DLC1: variants seen among roughly 807,000 people sequenced by gnomAD.
DLC1 encodes DLC1 Rho GTPase activating protein.
Under a neutral mutation model 140.3 loss-of-function variants are expected in DLC1, and 54 were observed. That is an observed-to-expected ratio of 0.38 (90% CI 0.31 to 0.48). The LOEUF is 0.48. DLC1 is among the 20% of genes least tolerant of loss of function. The pLI is 0.96. For missense variants in DLC1, 2,536 were observed against 1,907.0 expected (o/e 1.33, Z -6.14); for synonymous variants, 986 against 728.1 (o/e 1.35, Z -5.70).
At chr8:13,204,888 A>G (rs1162668055) in intron 5 of DLC1, among the ~76,000 whole-genome samples, 1 of 152,198 alleles carries the variant, frequency 6.6e-6, no homozygotes, top group Non-Finnish European at 1.5e-5. Context: ...AACTAAGTGG[A>G]AAGAAAGCTT....
Position 13,094,752 on chromosome 8 carries a change from C to G in DLC1, c.3526+7G>C. On this transcript the variant is annotated splice_region_variant and intron_variant, in intron 12 of 17. Coordinates refer to ENST00000276297, the MANE Select transcript of DLC1 (RefSeq NM_182643.3). ...TGCCAACAATCTTAAGATCAAAGGA[C>G]ACTCACATTGGTAGATCTGTAGAAA... 1.2e-6 allele frequency: 2 copies of G among 1,614,128 alleles called. No homozygotes were observed. The highest frequency in any genetic ancestry group is 1.7e-6 in the Non-Finnish European group (2 of 1,180,000).
chr8:13,476,914 A>C (rs963533072), intron 2 of DLC1, among the ~76,000 whole-genome samples: 2 of 152,226 alleles, frequency 1.3e-5, no homozygotes, highest in African/African-American at 4.8e-5. Flanking sequence ...GGACATAAGA[A>C]GACAGCACAG....
chr8:13,273,685 C>CGTGTGT (rs1831042516), intron 5 of DLC1, among the ~76,000 whole-genome samples: 1 of 69,136 alleles, frequency 1.4e-5, no homozygotes, highest in African/African-American at 5.7e-5. Context: ...CAGAACTGTG[C>CGTGTGT]CTGTGTGTGT....
intron 5 of DLC1, chr8:13,214,356 C>T (rs904242816): frequency 8.9e-6 from 3 of 335,274 alleles, no homozygotes; most frequent in Middle Eastern, 7.9e-4. Context: ...GAAAGTTTCC[C>T]TTTTAGCTTT....
chr8:13,259,797 T>G (rs890169438), intron 5 of DLC1, among the ~76,000 whole-genome samples: 7 of 107,478 alleles, frequency 6.5e-5, no homozygotes, highest in Middle Eastern at 4.7e-3. Context: ...AACAGATGGG[T>G]TTTTTTTTTT....
chr8:13,561,532 A>G (rs1216561639), intron 1 of DLC1, among the ~76,000 whole-genome samples: 1 of 152,212 alleles, frequency 6.6e-6, no homozygotes, highest in Non-Finnish European at 1.5e-5. Context: ...GGGTAAAGTG[A>G]ATAATATTCT....
intron 1 of DLC1, among the ~76,000 whole-genome samples, chr8:13,510,904 A>G (rs1165108880): frequency 6.6e-6 from 1 of 152,140 alleles, no homozygotes; most frequent in South Asian, 2.1e-4. Context: ...TTATTCTATT[A>G]TTACAGGATG....
At position 13,200,005 on chromosome 8, in the gene DLC1, A is replaced by T. The variant is rs540699796; in HGVS notation, c.1349-84348T>A. On this transcript the variant is annotated intron_variant, in intron 5 of 17. Transcript: ENST00000276297. ...TGTTCTGAAAGAGTTAGATGTATTA[A>T]TTCACTTAATCCTCATAACAACCCT... Among the ~76,000 whole-genome samples the T allele has an allele frequency of 2.6e-5, 4 of 152,260 alleles. No individual in the cohort carries two copies. The South Asian group carries it at 8.3e-4, about 32-fold the overall frequency.
chr8:13,382,057 A>G (rs1204951329), intron 4 of DLC1, among the ~76,000 whole-genome samples: 2 of 152,122 alleles, frequency 1.3e-5, no homozygotes, highest in African/African-American at 4.8e-5. Context: ...TTATTAGAAA[A>G]AGGGAATCCT....
chr8:13,489,452 A>G (rs117872870), intron 2 of DLC1, among the ~76,000 whole-genome samples: 79 of 108,200 alleles, frequency 7.3e-4, no homozygotes, highest in Middle Eastern at 5.0e-3. Flanking sequence ...CACACACAAA[A>G]TGTTGCTACT....
At chr8:13,574,587 A>G (rs1478885292) in intron 1 of DLC1, among the ~76,000 whole-genome samples, 1 of 152,118 alleles carries the variant, frequency 6.6e-6, no homozygotes, top group Non-Finnish European at 1.5e-5. Context: ...ACATAATTAT[A>G]CAAATGTATA....
At chr8:13,566,151 G>C (rs1804419781) in intron 1 of DLC1, among the ~76,000 whole-genome samples, 1 of 151,990 alleles carries the variant, frequency 6.6e-6, no homozygotes, top group South Asian at 2.1e-4. Context: ...TCACATAGTT[G>C]GACACTATTT....
At chr8:13,162,953 T>C (rs1019989983) in intron 5 of DLC1, among the ~76,000 whole-genome samples, 1 of 152,194 alleles carries the variant, frequency 6.6e-6, no homozygotes, top group African/African-American at 2.4e-5. Context: ...GCTTGAGGAT[T>C]CTTACATACT....
intron 2 of DLC1, among the ~76,000 whole-genome samples, chr8:13,467,388 C>T (rs1799985941): frequency 6.6e-6 from 1 of 152,066 alleles, no homozygotes; most frequent in South Asian, 2.1e-4. Context: ...CTCTCCCCTC[C>T]CCTCTCCTTT....
intron 2 of DLC1, among the ~76,000 whole-genome samples, chr8:13,427,086 A>C (rs1838622543): frequency 6.6e-6 from 1 of 151,852 alleles, no homozygotes; most frequent in African/African-American, 2.4e-5. Flanking sequence ...TTGTTTTGTC[A>C]TTTTAGAAAT....
At chr8:13,190,260 G>T (rs916944990) in intron 5 of DLC1, among the ~76,000 whole-genome samples, 2 of 152,090 alleles carry the variant, frequency 1.3e-5, no homozygotes, top group Non-Finnish European at 2.9e-5. Flanking sequence ...GGCCACGAGT[G>T]GCTGTGGCTA....
At chr8:13,414,680 C>G (rs926397094) in intron 2 of DLC1, among the ~76,000 whole-genome samples, 1 of 152,144 alleles carries the variant, frequency 6.6e-6, no homozygotes, top group Non-Finnish European at 1.5e-5. Flanking sequence ...TAAGTGAGCA[C>G]ATAAAATATA....
In DLC1 at chr8:13,129,808, G is replaced by A. The variant is rs889605715; in HGVS notation, c.1349-14151C>T. Among the ~76,000 whole-genome samples, 6 of 152,204 alleles carry A rather than the reference G, an allele frequency of 3.9e-5. No individual in the cohort carries two copies. The East Asian group carries it at 5.8e-4, about 15-fold the overall frequency. On this transcript the variant is annotated intron_variant, in intron 5 of 17. Transcript: ENST00000276297. ...TCTTTAATGATTTGGCAATAGCCAG[G>A]GAGGAAGGGGAAACATCTGAAGTTA...
intron 5 of DLC1, among the ~76,000 whole-genome samples, chr8:13,136,615 A>G (rs988689676): frequency 1.3e-5 from 2 of 152,302 alleles, no homozygotes. Context: ...CCCACTGAGG[A>G]CAAGAGGATC....
Sources: allele counts gnomAD v4.1 joint callset (sites outside exome capture counted in the v4.1 genomes callset), GRCh38; gene constraint gnomAD v4.1.1; transcripts MANE v1.5; gene names NCBI Gene and HGNC (gene_info 2026-07-23, HGNC 2026-07-21).